ACLY: variants seen among roughly 807,000 people sequenced by gnomAD.
ACLY encodes the protein ATP-citrate synthase.
Under a neutral mutation model 133.0 loss-of-function variants are expected in ACLY, and 41 were observed. The ratio of observed to expected loss-of-function variants is 0.31; its 90% CI spans 0.24 to 0.40. The LOEUF (loss-of-function observed/expected upper bound fraction) is 0.40, where lower values mean the gene tolerates loss of function less well. ACLY is among the 10% of genes least tolerant of loss of function. The pLI is 1.00. For synonymous variants in ACLY, 495 were observed against 549.3 expected, an observed-to-expected ratio of 0.90 and a Z score of 1.38; for missense variants, 1,046 against 1,453.8, an observed-to-expected ratio of 0.72 and a Z score of 4.56.
Position 41,878,196 on chromosome 17 carries a change from C to G in ACLY, c.2394G>C (p.Gln798His), listed in dbSNP as rs782058203. The G allele has an allele frequency of 6.4e-7, 1 of 1,564,590 alleles. No individual in the cohort carries two copies. The highest frequency in any genetic ancestry group is 8.6e-7 in the Non-Finnish European group (1 of 1,158,572). Residue 798 changes from glutamine to histidine, a missense_variant and splice_region_variant, in exon 22 of 29, where the codon CAG (glutamine) becomes CAC (histidine). Gln to His is a conservative substitution (Grantham distance 24). Around this residue, in one of 4 missense-constraint regions of ACLY, gnomAD observed 39 missense variants for 30.8 expected, o/e 1.27. Transcript: ENST00000352035. ...TGGCCACGAGATCTTCGTATACAGA[C>G]CTGGGAGGCAGGAAAAAAAAGACAT... Reference protein sequence around the residue: ...RSFDELGEIIQSVYEDLVANG... With the variant: ...RSFDELGEIIHSVYEDLVANG...
intron 15 of ACLY, 53 bp from the exon 16 acceptor site, chr17:41,892,500 G>C: frequency 6.5e-7 from 1 of 1,549,256 alleles, no homozygotes; most frequent in African/African-American, 1.4e-5. Flanking sequence ...CAGGACTGGG[G>C]AAGGGGAAGC....
chr17:41,896,386 C>T (rs781926339), intron 14 of ACLY, among the ~76,000 whole-genome samples: 2 of 152,118 alleles, frequency 1.3e-5, no homozygotes, highest in Non-Finnish European at 1.5e-5. Context: ...AGCTTGGAGC[C>T]AGAAACAGCC....
At chr17:41,887,367 A>C (rs2049081445) in intron 17 of ACLY, among the ~76,000 whole-genome samples, 1 of 150,408 alleles carries the variant, frequency 6.6e-6, no homozygotes. Context: ...TGAACCCGGA[A>C]GCGGAGGTTG....
At position 41,887,617 on chromosome 17, in the gene ACLY, G is replaced by A. The variant is rs782375270; in HGVS notation, c.1857C>T (p.Thr619=). 2.5e-6 allele frequency: 4 copies of A among 1,613,578 alleles called. No homozygotes were observed. Among genetic ancestry groups the A allele is most frequent in the Admixed American group, 1.7e-5 (1 of 59,964 alleles). The change falls in exon 17 of 29, where the codon ACC becomes ACT. Residue 619 remains threonine (T), a synonymous_variant. Transcript: ENST00000352035. ...AGCTCACAGTGGCAGGTCCGATGAT[G>A]GTCACTCCCTTCTGGTCCGCCTTCT... ...LIKKADQKGV[T]IIGPATVGGI...
intron 2 of ACLY, 74 bp from the exon 3 acceptor site, chr17:41,912,616 A>G: frequency 6.4e-7 from 1 of 1,567,992 alleles, no homozygotes; most frequent in Non-Finnish European, 8.7e-7. Flanking sequence ...ATCCAAATAG[A>G]GGACAGCAGG....
At chr17:41,885,429 CAGT>C (rs1555627973) in intron 18 of ACLY, among the ~76,000 whole-genome samples, 2 of 152,108 alleles carry the variant, frequency 1.3e-5, no homozygotes, top group African/African-American at 4.8e-5. Flanking sequence ...AGCCCGACAG[CAGT>C]AGTAATAGTA....
intron 11 of ACLY, among the ~76,000 whole-genome samples, chr17:41,900,631 G>A (rs1421118553): frequency 6.6e-6 from 1 of 151,914 alleles, no homozygotes; most frequent in Non-Finnish European, 1.5e-5. Flanking sequence ...AGGCTGAGGA[G>A]GGAGGATCAC....
At chr17:41,876,254 CCCCGCCCGG>C (rs1555626140) in intron 22 of ACLY, among the ~76,000 whole-genome samples, 16 of 151,074 alleles carry the variant, frequency 1.1e-4, no homozygotes, top group African/African-American at 3.9e-4. Context: ...GGGGTCAGCC[CCCCGCCCGG>C]CCAGCCGCCC....
chr17:41,883,383 C>T (rs2048969760), intron 19 of ACLY, 151 bp from the exon 20 acceptor site: 1 of 625,242 alleles, frequency 1.6e-6, no homozygotes, highest in Non-Finnish European at 2.8e-6. Flanking sequence ...AAGGAACAAA[C>T]AGCAGGTCTC....
chr17:41,930,534 C>T, exon 1 of ACLY: 1 of 553,114 alleles, frequency 1.8e-6, no homozygotes, highest in East Asian at 3.1e-5. Flanking sequence ...TGGCCCAGTG[C>T]GCGGCAGAAC....
chr17:41,925,835 G>A (rs1426603660), intron 1 of ACLY, among the ~76,000 whole-genome samples: 1 of 151,842 alleles, frequency 6.6e-6, no homozygotes, highest in Non-Finnish European at 1.5e-5. Flanking sequence ...CCTGTGTGAT[G>A]ACTACATAGG....
In ACLY at chr17:41,878,094, G is replaced by A. The variant is rs782685716; in HGVS notation, c.2487+9C>T. The A allele has an allele frequency of 1.3e-6, 2 of 1,524,540 alleles. No individual in the cohort carries two copies. Among genetic ancestry groups the A allele is most frequent in the Admixed American group, 2.2e-5 (1 of 45,812 alleles). 94.4% of individuals were successfully genotyped at this position (1,524,540 alleles called of 1,614,324 possible). A position where few individuals can be genotyped will look rare whatever the true frequency, so the allele number is the denominator to read the frequency against. On this transcript the variant is annotated intron_variant, in intron 22 of 28. Coordinates refer to ENST00000352035, the MANE Select transcript of ACLY (RefSeq NM_001096.3). ...TGCTCACACTGTTAGAGACATTTAA[G>A]GCACCTACCCTGGCCCAGGAGTAGT...
Position 41,885,438 on chromosome 17 carries a change from T to C in ACLY, c.2072+674A>G, listed in dbSNP as rs61263663. On this transcript the variant is annotated intron_variant, in intron 18 of 28. Coordinates refer to ENST00000352035, the MANE Select transcript of ACLY (RefSeq NM_001096.3). ...TTTCTAAGCCCGACAGCAGTAGTAA[T>C]AGTAGGAATAATAAACAATAATGGC... is the stretch of plus-strand genomic sequence containing the variant. 3.9e-3 allele frequency among the ~76,000 whole-genome samples: 595 copies of C among 152,288 alleles called. 4 individuals carry two copies. The highest frequency in any genetic ancestry group is 0.014 in the African/African-American group (571 of 41,544).
intron 1 of ACLY, among the ~76,000 whole-genome samples, chr17:41,918,332 C>T (rs1371526946): frequency 6.6e-6 from 1 of 152,244 alleles, no homozygotes; most frequent in Non-Finnish European, 1.5e-5. Flanking sequence ...AGCCTGGCCC[C>T]GCGTGGCCCG....
At chr17:41,881,135 AAGAAAG>A (rs2048905902) in intron 20 of ACLY, among the ~76,000 whole-genome samples, 1 of 151,964 alleles carries the variant, frequency 6.6e-6, no homozygotes, top group Non-Finnish European at 1.5e-5. Context: ...AGCACTCAAG[AAGAAAG>A]AGAATCGGCT....
At chr17:41,916,769 G>A (rs1245945199) in intron 1 of ACLY, among the ~76,000 whole-genome samples, 1 of 152,072 alleles carries the variant, frequency 6.6e-6, no homozygotes, top group East Asian at 1.9e-4. Flanking sequence ...CCAGAAAAAG[G>A]TACACAAATC....
chr17:41,877,628 T>C (rs1290394293), intron 22 of ACLY, among the ~76,000 whole-genome samples: 1 of 152,120 alleles, frequency 6.6e-6, no homozygotes, highest in Non-Finnish European at 1.5e-5. Context: ...CCTGGGTGTG[T>C]CTGTGTAGGT....
Position 41,898,677 on chromosome 17 carries a change from G to T in ACLY, c.1292C>A (p.Ala431Glu). Residue 431 changes from alanine to glutamate, a missense_variant, in exon 12 of 29, where the codon GCG (alanine) becomes GAG (glutamate). By Grantham distance (107) the Ala-to-Glu change is moderately radical (BLOSUM62 -1). Around this residue, in one of 4 missense-constraint regions of ACLY, gnomAD observed 575 missense variants for 804.2 expected, o/e 0.71. Transcript: ENST00000352035. ...GAGGAGGAAGTTTGCAGTGTGGGCC[G>T]CTGTGGGTGGCTGGTTGGGGATGGG... ...HRPIPNQPPTAAHTANFLLNA... is the reference protein window; with the variant it reads ...HRPIPNQPPTEAHTANFLLNA... 6.2e-7 allele frequency: 1 copy of T among 1,613,782 alleles called. No individual in the cohort carries two copies. Among genetic ancestry groups the T allele is most frequent in the Non-Finnish European group, 8.5e-7 (1 of 1,179,862 alleles).
intron 1 of ACLY, among the ~76,000 whole-genome samples, chr17:41,928,087 C>G (rs575476737): frequency 2.7e-5 from 4 of 150,834 alleles, no homozygotes; most frequent in East Asian, 2.0e-4. Flanking sequence ...TGCAGTGAGT[C>G]AAGATCTCAC....
Sources: allele counts gnomAD v4.1 joint callset (sites outside exome capture counted in the v4.1 genomes callset), GRCh38; gene constraint gnomAD v4.1.1; regional missense constraint gnomAD v4.1.1; transcripts MANE v1.5; gene names NCBI Gene and HGNC (gene_info 2026-07-23, HGNC 2026-07-21).